The following KCNH8 variants were observed in gnomAD, a reference collection of about 807,000 sequenced individuals.
KCNH8 encodes the protein potassium voltage-gated channel subfamily H member 8, also known as voltage-gated delayed rectifier potassium channel KCNH8.
KCNH8 carries 70 observed loss-of-function variants against 103.6 expected under a neutral mutation model. The ratio of observed to expected loss-of-function variants is 0.68; its 90% CI spans 0.56 to 0.82. The LOEUF (loss-of-function observed/expected upper bound fraction) is 0.82. Among genes scored for constraint, KCNH8 ranks in the 40% least tolerant of loss-of-function variants. KCNH8 has a pLI of 0.00. For missense variants in KCNH8, 1,217 were observed against 1,329.9 expected (o/e 0.92, Z 1.32); for synonymous variants, 498 against 489.4 (o/e 1.02, Z -0.23).
At chr3:19,279,384 A>G (rs1307326495) in intron 2 of KCNH8, among the ~76,000 whole-genome samples, 1 of 152,080 alleles carries the variant, frequency 6.6e-6, no homozygotes, top group East Asian at 1.9e-4. Context: ...AGGATGTGAC[A>G]ATGTTACAAT....
chr3:19,258,947 C>CTCTATATA (rs1321918245), intron 2 of KCNH8, among the ~76,000 whole-genome samples: 18 of 24,792 alleles, frequency 7.3e-4, no homozygotes, highest in African/African-American at 1.2e-3. Flanking sequence ...CTCTCTCTCT[C>CTCTATATA]TATATATATA....
intron 1 of KCNH8, among the ~76,000 whole-genome samples, chr3:19,205,553 T>G (rs111310336): frequency 0.02 from 2,979 of 152,030 alleles, 93 homozygotes; most frequent in African/African-American, 0.066. Flanking sequence ...GGGGGTATAG[T>G]TACACATAGA....
chr3:19,274,634 A>G (rs562729646), intron 2 of KCNH8, among the ~76,000 whole-genome samples: 1 of 152,154 alleles, frequency 6.6e-6, no homozygotes, highest in South Asian at 2.1e-4. Flanking sequence ...TCTTGGGGAT[A>G]TTTTTGCACC....
intron 2 of KCNH8, among the ~76,000 whole-genome samples, chr3:19,279,869 C>G (rs1249648400): frequency 6.6e-6 from 1 of 152,038 alleles, no homozygotes; most frequent in African/African-American, 2.4e-5. Flanking sequence ...ACAGTGTATG[C>G]AAGACAACTC....
intron 3 of KCNH8, among the ~76,000 whole-genome samples, chr3:19,299,514 T>C (rs2065038272): frequency 6.6e-6 from 1 of 152,184 alleles, no homozygotes; most frequent in Non-Finnish European, 1.5e-5. Flanking sequence ...TTGTTTTTCA[T>C]TTAGCAAGGA....
chr3:19,227,821 T>C (rs1051212708), intron 1 of KCNH8, among the ~76,000 whole-genome samples: 2 of 152,180 alleles, frequency 1.3e-5, no homozygotes, highest in Non-Finnish European at 2.9e-5. Context: ...GTTGCAAGTC[T>C]GTCTGACTTC....
At chr3:19,340,788 T>A (rs181388678) in intron 3 of KCNH8, among the ~76,000 whole-genome samples, 1 of 152,160 alleles carries the variant, frequency 6.6e-6, no homozygotes. Context: ...AGGATATGTC[T>A]GACTAAAACC....
At chr3:19,298,134 C>A (rs530720658) in intron 3 of KCNH8, among the ~76,000 whole-genome samples, 2 of 152,140 alleles carry the variant, frequency 1.3e-5, no homozygotes, top group African/African-American at 4.8e-5. Flanking sequence ...TAAACAGGGA[C>A]GGCAAAAAAG....
In KCNH8 at chr3:19,406,010, C is replaced by A. The variant is rs887315340; in HGVS notation, c.1177+10699C>A. ...CAAAACACACAAAAACATCTGAGAG[C>A]TAGTTGATCTCTAAAATTTTTAACT... is the stretch of plus-strand genomic sequence containing the variant. On this transcript the variant is annotated intron_variant, in intron 7 of 15. Transcript: ENST00000328405. 2.0e-5 allele frequency among the ~76,000 whole-genome samples: 3 copies of A among 151,998 alleles called. No homozygotes were observed. The East Asian group carries it at 5.8e-4, about 29-fold the overall frequency.
At chr3:19,268,790 A>T (rs1038489144) in intron 2 of KCNH8, among the ~76,000 whole-genome samples, 1 of 152,112 alleles carries the variant, frequency 6.6e-6, no homozygotes, top group Admixed American at 6.6e-5. Context: ...CAAGCACTCC[A>T]GGTGATTCTG....
At chr3:19,277,392 C>T (rs944659299) in intron 2 of KCNH8, among the ~76,000 whole-genome samples, 9 of 151,968 alleles carry the variant, frequency 5.9e-5, no homozygotes, top group Non-Finnish European at 1.0e-4. Flanking sequence ...GGGAGATCCC[C>T]ATCTCTACAG....
rs920947434 is a variant in KCNH8 at position 19,167,875 on chromosome 3, G to A, written c.76+19080G>A. ...CATGGAATCATTTGTGTGTGTTTGT[G>A]TGTGAGTGTGTGTGTTTGTATTTAG... On this transcript the variant is annotated intron_variant, in intron 1 of 15. Coordinates refer to ENST00000328405, the MANE Select transcript of KCNH8 (RefSeq NM_144633.3). 1.2e-4 allele frequency among the ~76,000 whole-genome samples: 19 copies of A among 152,174 alleles called. 1 individual carries two copies. Among genetic ancestry groups the A allele is most frequent in the African/African-American group, 4.6e-4 (19 of 41,444 alleles).
At chr3:19,392,821 G>C (rs1009262202) in intron 6 of KCNH8, among the ~76,000 whole-genome samples, 2 of 152,008 alleles carry the variant, frequency 1.3e-5, no homozygotes, top group African/African-American at 4.8e-5. Context: ...TGATAGAGTA[G>C]AAAGGGCAGA....
Position 19,309,511 on chromosome 3 carries a change from A to G in KCNH8, c.442+28182A>G, listed in dbSNP as rs369104937. Among the ~76,000 whole-genome samples, 368 of 152,100 alleles carry G rather than the reference A, an allele frequency of 2.4e-3. 1 individual carries two copies. Among genetic ancestry groups the G allele is most frequent in the Non-Finnish European group, 3.2e-3 (218 of 67,932 alleles). On this transcript the variant is annotated intron_variant, in intron 3 of 15. Coordinates refer to ENST00000328405, the MANE Select transcript of KCNH8 (RefSeq NM_144633.3). ...AGTCACCAAACATCTAGACACAGAA[A>G]GGTGAAAAAGGAAAATTGTTACCTT...
chr3:19,357,377 G>A lies in KCNH8; in HGVS notation c.811+9412G>A, dbSNP rs576641572. Among the ~76,000 whole-genome samples, 7 of 151,846 alleles carry A rather than the reference G, an allele frequency of 4.6e-5. No individual in the cohort carries two copies. In the South Asian group the frequency reaches 1.5e-3, roughly 32 times the overall value. On this transcript the variant is annotated intron_variant, in intron 5 of 15. Transcript: ENST00000328405. ...TGTGGATGGCCAAGCAGAAAGCTGA[G>A]ACATTGCATCTCCAGACTCCTTTTT...
At chr3:19,156,620 C>T (rs1575401175) in intron 1 of KCNH8, among the ~76,000 whole-genome samples, 6 of 151,998 alleles carry the variant, frequency 3.9e-5, no homozygotes, top group Admixed American at 3.9e-4. Flanking sequence ...ATCTAGTGTC[C>T]ATTTTTTTTA....
intron 7 of KCNH8, among the ~76,000 whole-genome samples, chr3:19,403,396 ATAT>A (rs1256812590): frequency 1.2e-4 from 14 of 113,042 alleles, no homozygotes; most frequent in African/African-American, 4.6e-4. Context: ...ATATATATAT[ATAT>A]AAAATCCTTC....
At chr3:19,480,496 G>A (rs897154267) in intron 11 of KCNH8, among the ~76,000 whole-genome samples, 18 of 152,246 alleles carry the variant, frequency 1.2e-4, no homozygotes, top group African/African-American at 3.4e-4. Flanking sequence ...CTAATATTAG[G>A]AACTTTTACC....
intron 3 of KCNH8, among the ~76,000 whole-genome samples, chr3:19,341,722 G>T (rs1004312489): frequency 2.0e-5 from 3 of 151,996 alleles, no homozygotes; most frequent in African/African-American, 7.2e-5. Flanking sequence ...CCACACTCAT[G>T]ATTTTTATAA....
Sources: allele counts gnomAD v4.1 joint callset (sites outside exome capture counted in the v4.1 genomes callset), GRCh38; gene constraint gnomAD v4.1.1; transcripts MANE v1.5; gene names NCBI Gene and HGNC (gene_info 2026-07-23, HGNC 2026-07-21).